Variants in MAP7 observed in about 807,000 individuals in gnomAD.
The protein encoded by MAP7 is microtubule associated protein 7.
In MAP7, 52 loss-of-function variants were observed where a neutral mutation model predicts 94.8. The observed-to-expected ratio is 0.55, with a 90% CI of 0.44 to 0.69. The LOEUF (loss-of-function observed/expected upper bound fraction) is 0.69. Ranked by LOEUF, MAP7 falls within the 30% of genes least tolerant of loss-of-function variation. MAP7 has a pLI of 0.00. For synonymous variants in MAP7, 350 were observed against 357.0 expected, an observed-to-expected ratio of 0.98 and a Z score of 0.22; for missense variants, 940 against 964.6, an observed-to-expected ratio of 0.97 and a Z score of 0.34.
At chr6:136,409,651 T>G (rs1786796160) in intron 3 of MAP7, among the ~76,000 whole-genome samples, 1 of 152,222 alleles carries the variant, frequency 6.6e-6, no homozygotes, top group African/African-American at 2.4e-5. Context: ...GGGTGGCACC[T>G]GGCAAAGCCA....
At chr6:136,422,738 T>G (rs142564937) in intron 1 of MAP7, among the ~76,000 whole-genome samples, 445 of 152,360 alleles carry the variant, frequency 2.9e-3, no homozygotes, top group African/African-American at 9.0e-3. Flanking sequence ...AATAATTTTT[T>G]GAAAATTGTC....
rs1284031601 is a variant in MAP7 at position 136,491,068 on chromosome 6, A to AT, written c.67+59273dup. On this transcript the variant is annotated intron_variant, in intron 1 of 17. Transcript: ENST00000354570. ...GAATCCATCTCTACTCTCCTATGTC[A>AT]TTTCTGCCTAGAATAATGATGCTTC... Among the ~76,000 whole-genome samples, 7 of 152,280 alleles carry AT rather than the reference A, an allele frequency of 4.6e-5. No homozygotes were observed. In the East Asian group the frequency reaches 1.2e-3, roughly 25 times the overall value.
At chr6:136,521,798 G>C (rs1826480096) in intron 1 of MAP7, among the ~76,000 whole-genome samples, 1 of 152,180 alleles carries the variant, frequency 6.6e-6, no homozygotes, top group Non-Finnish European at 1.5e-5. Flanking sequence ...GGATGGGATA[G>C]GAGTCTATAT....
At chr6:136,521,171 T>C (rs1249609297) in intron 1 of MAP7, among the ~76,000 whole-genome samples, 1 of 152,140 alleles carries the variant, frequency 6.6e-6, no homozygotes, top group African/African-American at 2.4e-5. Flanking sequence ...GAAGCTGAAA[T>C]CTAGATTATG....
chr6:136,395,895 A>G (rs950401496), intron 3 of MAP7, among the ~76,000 whole-genome samples: 14 of 152,094 alleles, frequency 9.2e-5, no homozygotes, highest in African/African-American at 3.4e-4. Context: ...CGAGTTCTCT[A>G]TTCTGTTCCA....
intron 10 of MAP7, chr6:136,364,426 G>A: frequency 6.2e-6 from 2 of 324,256 alleles, no homozygotes; most frequent in Non-Finnish European, 1.2e-5. Context: ...AGTCTGAGGA[G>A]TCCAAGGAGG....
At chr6:136,536,194 T>C (rs1020934088) in intron 1 of MAP7, among the ~76,000 whole-genome samples, 3 of 152,248 alleles carry the variant, frequency 2.0e-5, no homozygotes, top group Admixed American at 6.5e-5. Flanking sequence ...ATATGAAGTA[T>C]TAATTTCCAA....
intron 5 of MAP7, 130 bp from the exon 6 acceptor site, chr6:136,383,911 G>T: frequency 1.7e-6 from 1 of 601,348 alleles, no homozygotes; most frequent in South Asian, 2.1e-5. Context: ...TAATAACACA[G>T]TTTTCTAAGT....
At chr6:136,496,901 C>T (rs952479620) in intron 1 of MAP7, among the ~76,000 whole-genome samples, 6 of 151,020 alleles carry the variant, frequency 4.0e-5, no homozygotes, top group Admixed American at 6.6e-5. Flanking sequence ...CTGCAGTAAG[C>T]GGAGATCGCG....
intron 1 of MAP7, among the ~76,000 whole-genome samples, chr6:136,442,962 T>C (rs754512859): frequency 2.0e-5 from 3 of 152,158 alleles, no homozygotes; most frequent in Non-Finnish European, 2.9e-5. Context: ...AAAAACAGCA[T>C]TAGCAAGAAA....
In MAP7 at chr6:136,354,123, T is replaced by TATTA. The variant is rs1554228726; in HGVS notation, c.2015+2568_2015+2569insTAAT. On this transcript the variant is annotated intron_variant, in intron 16 of 17. Transcript: ENST00000354570. ...GGAATCTACTATATATATATATATA[T>TATTA]TATATATATAAAATATATACATCTA... Among the ~76,000 whole-genome samples, 1,382 of 142,124 alleles carry TATTA rather than the reference T, an allele frequency of 9.7e-3. 8 individuals are homozygous for TATTA. The highest frequency in any genetic ancestry group is 0.014 in the Non-Finnish European group (906 of 65,796). The allele number at this position is 142,124 out of a possible 152,430, so 93.2% of individuals were successfully genotyped here.
At chr6:136,441,499 T>C (rs1797855092) in intron 1 of MAP7, among the ~76,000 whole-genome samples, 1 of 152,244 alleles carries the variant, frequency 6.6e-6, no homozygotes, top group Non-Finnish European at 1.5e-5. Flanking sequence ...TTGTATCTTT[T>C]TGTTCATTTT....
chr6:136,546,617 C>T (rs1829757676), intron 1 of MAP7, among the ~76,000 whole-genome samples: 1 of 152,130 alleles, frequency 6.6e-6, no homozygotes, highest in African/African-American at 2.4e-5. Flanking sequence ...CACTGAACTC[C>T]TCATAACCTG....
Position 136,366,314 on chromosome 6 carries a change from A to G in MAP7, c.989+13T>C, listed in dbSNP as rs1251308361. On this transcript the variant is annotated intron_variant, in intron 9 of 17. Coordinates refer to ENST00000354570, the MANE Select transcript of MAP7 (RefSeq NM_003980.6). ...CATGAAACAACCCAGCCAGCCACTT[A>G]TATTTCACTTACCAAAGTCGGGAGC... 18 of 1,602,640 alleles carry G rather than the reference A, an allele frequency of 1.1e-5. No individual in the cohort carries two copies. The highest frequency in any genetic ancestry group is 1.3e-5 in the African/African-American group (1 of 74,640).
intron 1 of MAP7, among the ~76,000 whole-genome samples, chr6:136,511,038 T>C (rs574795132): frequency 6.6e-6 from 1 of 152,204 alleles, no homozygotes; most frequent in African/African-American, 2.4e-5. Flanking sequence ...TGAATGAAGT[T>C]CAAGTGAAGG....
chr6:136,362,784 A>G, intron 10 of MAP7, 82 bp from the exon 11 acceptor site: 1 of 1,500,380 alleles, frequency 6.7e-7, no homozygotes, highest in Non-Finnish European at 8.8e-7. Flanking sequence ...CCCACATCCA[A>G]GGCCTAGAAT....
intron 16 of MAP7, among the ~76,000 whole-genome samples, chr6:136,346,419 G>C (rs1349109598): frequency 6.6e-6 from 1 of 152,078 alleles, no homozygotes; most frequent in East Asian, 1.9e-4. Context: ...AAAATTAGCT[G>C]TGTGTGGTGG....
intron 16 of MAP7, among the ~76,000 whole-genome samples, chr6:136,347,474 C>T (rs936588409): frequency 6.6e-6 from 1 of 152,122 alleles, no homozygotes; most frequent in Non-Finnish European, 1.5e-5. Context: ...GGTACAGTCT[C>T]AGCTCACTCC....
At chr6:136,371,344 T>C (rs1052548029) in intron 8 of MAP7, among the ~76,000 whole-genome samples, 2 of 152,240 alleles carry the variant, frequency 1.3e-5, no homozygotes, top group African/African-American at 4.8e-5. Flanking sequence ...TAACTACGGC[T>C]TTCTGTCTAC....
Sources: gnomAD v4.1 joint callset for allele counts (sites outside exome capture counted in the v4.1 genomes callset) on GRCh38, gnomAD v4.1.1 for gene constraint, MANE v1.5 for transcripts, NCBI Gene and HGNC (gene_info 2026-07-23, HGNC 2026-07-21) for gene names.